Variants in UNC5D observed in about 807,000 individuals in gnomAD.
The protein encoded by UNC5D is unc-5 netrin receptor D.
Under a neutral mutation model 105.4 loss-of-function variants are expected in UNC5D, and 39 were observed. That is an observed-to-expected ratio of 0.37 (90% confidence interval 0.29 to 0.48). UNC5D has a LOEUF of 0.48. Among genes scored for constraint, UNC5D ranks in the 20% least tolerant of loss-of-function variants. The pLI is 0.98. For synonymous variants in UNC5D, 452 were observed against 450.4 expected (o/e 1.00, Z -0.04); for missense variants, 991 against 1,202.4 (o/e 0.82, Z 2.60).
At chr8:35,358,915 T>G (rs578083033) in intron 1 of UNC5D, among the ~76,000 whole-genome samples, 3 of 152,314 alleles carry the variant, frequency 2.0e-5, no homozygotes, top group African/African-American at 7.2e-5. Flanking sequence ...TTTATATGAA[T>G]GAGTTAAGAA....
At chr8:35,687,272 T>A (rs1312329248) in intron 7 of UNC5D, among the ~76,000 whole-genome samples, 1 of 151,960 alleles carries the variant, frequency 6.6e-6, no homozygotes, top group Non-Finnish European at 1.5e-5. Context: ...TGAAACCCTG[T>A]CTCTACGAAA....
chr8:35,571,552 G>A (rs1211143656), intron 3 of UNC5D, among the ~76,000 whole-genome samples: 1 of 152,058 alleles, frequency 6.6e-6, no homozygotes, highest in East Asian at 1.9e-4. Flanking sequence ...GGGGGGTGGG[G>A]GAGTTGCCTT....
At chr8:35,259,521 A>C (rs1257473537) in intron 1 of UNC5D, among the ~76,000 whole-genome samples, 1 of 151,984 alleles carries the variant, frequency 6.6e-6, no homozygotes, top group East Asian at 1.9e-4. Context: ...ATATATTATT[A>C]CTCTAGATGC....
intron 1 of UNC5D, among the ~76,000 whole-genome samples, chr8:35,288,948 G>A (rs983430072): frequency 1.3e-5 from 2 of 151,874 alleles, no homozygotes; most frequent in African/African-American, 2.4e-5. Flanking sequence ...AAAAAGAAGG[G>A]ACCTAAAAAA....
chr8:35,248,960 TAA>T (rs1563248560), intron 1 of UNC5D, among the ~76,000 whole-genome samples: 3 of 94,534 alleles, frequency 3.2e-5, no homozygotes, highest in African/African-American at 8.9e-5. Flanking sequence ...TAAACATATA[TAA>T]TATATATTAT....
At chr8:35,696,562 G>C (rs1826795003) in intron 7 of UNC5D, among the ~76,000 whole-genome samples, 1 of 152,038 alleles carries the variant, frequency 6.6e-6, no homozygotes. Flanking sequence ...CCCAATCAGG[G>C]AAGTGATTTA....
At position 35,333,004 on chromosome 8, in the gene UNC5D, T is replaced by C. The variant is rs530506807; in HGVS notation, c.103+97117T>C. Among the ~76,000 whole-genome samples the C allele has an allele frequency of 1.6e-4, 24 of 152,278 alleles. No homozygotes were observed. In the South Asian group the frequency reaches 4.6e-3, roughly 29 times the overall value. On this transcript the variant is annotated intron_variant, in intron 1 of 16. Coordinates refer to ENST00000404895, the MANE Select transcript of UNC5D (RefSeq NM_080872.4). ...AACATGTCTCAGATCTCTGCCCTTA[T>C]GAATAAGCTGCTCCAAAATCACAGG...
intron 1 of UNC5D, among the ~76,000 whole-genome samples, chr8:35,402,823 T>C (rs1455854980): frequency 6.6e-6 from 1 of 152,132 alleles, no homozygotes; most frequent in Non-Finnish European, 1.5e-5. Flanking sequence ...ACTGTGGCCC[T>C]TAAGGGATTG....
At chr8:35,478,845 A>G (rs1439151) in intron 1 of UNC5D, among the ~76,000 whole-genome samples, 67,249 of 152,038 alleles carry the variant, frequency 0.44, 17,932 homozygotes, top group African/African-American at 0.75. Context: ...AGGCTCTATT[A>G]GTTGAATTAC....
intron 1 of UNC5D, among the ~76,000 whole-genome samples, chr8:35,390,354 G>C (rs1803694061): frequency 6.6e-6 from 1 of 152,102 alleles, no homozygotes. Context: ...AATAGGCTCT[G>C]GATATATAGT....
intron 1 of UNC5D, among the ~76,000 whole-genome samples, chr8:35,451,413 A>C (rs1266137931): frequency 6.6e-6 from 1 of 152,104 alleles, no homozygotes; most frequent in African/African-American, 2.4e-5. Flanking sequence ...GCACATCATT[A>C]GGCATGATTT....
chr8:35,325,655 A>G (rs1458075641), intron 1 of UNC5D, among the ~76,000 whole-genome samples: 1 of 152,218 alleles, frequency 6.6e-6, no homozygotes, highest in Non-Finnish European at 1.5e-5. Context: ...TGTTAAAAAT[A>G]TCAACTAGAA....
intron 1 of UNC5D, among the ~76,000 whole-genome samples, chr8:35,450,373 C>T (rs960233815): frequency 2.9e-4 from 44 of 152,206 alleles, no homozygotes; most frequent in African/African-American, 8.2e-4. Context: ...GTATGCTCAC[C>T]GAGGTTTTCT....
intron 4 of UNC5D, among the ~76,000 whole-genome samples, chr8:35,664,647 G>A (rs1563645143): frequency 6.6e-6 from 1 of 152,094 alleles, no homozygotes; most frequent in Non-Finnish European, 1.5e-5. Flanking sequence ...CCAAAGTGCT[G>A]AGATTACAGG....
intron 1 of UNC5D, among the ~76,000 whole-genome samples, chr8:35,319,107 C>T (rs575005787): frequency 1.3e-5 from 2 of 152,202 alleles, no homozygotes; most frequent in South Asian, 2.1e-4. Context: ...GTGCATGGAG[C>T]TGACAAGGCA....
intron 8 of UNC5D, among the ~76,000 whole-genome samples, chr8:35,713,116 T>C (rs1445575308): frequency 6.6e-6 from 1 of 152,194 alleles, no homozygotes; most frequent in Non-Finnish European, 1.5e-5. Context: ...CTTTTCTTAC[T>C]ACCATTTTCA....
intron 4 of UNC5D, among the ~76,000 whole-genome samples, chr8:35,632,091 G>T (rs922999920): frequency 1.3e-5 from 2 of 152,162 alleles, no homozygotes; most frequent in African/African-American, 4.8e-5. Flanking sequence ...GGAATCTATT[G>T]CATTTCAACA....
At chr8:35,740,931 T>C (rs1829726813) in intron 11 of UNC5D, among the ~76,000 whole-genome samples, 1 of 152,174 alleles carries the variant, frequency 6.6e-6, no homozygotes, top group Admixed American at 6.5e-5. Context: ...AAGGCTGTTT[T>C]CTCTATCCAG....
intron 1 of UNC5D, among the ~76,000 whole-genome samples, chr8:35,512,525 ATTCAGATATGTATG>A (rs1392781822): frequency 5.2e-5 from 5 of 96,142 alleles, no homozygotes; most frequent in Non-Finnish European, 7.8e-5. Context: ...TAGATTATAT[ATTCAGATATGTATG>A]TATATATATA....
Sources: gnomAD v4.1 joint callset for allele counts (sites outside exome capture counted in the v4.1 genomes callset) on GRCh38, gnomAD v4.1.1 for gene constraint, MANE v1.5 for transcripts, NCBI Gene and HGNC (gene_info 2026-07-23, HGNC 2026-07-21) for gene names.